The following CDH12 variants were observed in gnomAD, a reference collection of about 807,000 sequenced individuals.
The protein encoded by CDH12 is cadherin 12.
CDH12 carries 41 observed loss-of-function variants against 74.1 expected under a neutral mutation model. That is an observed-to-expected ratio of 0.55 (90% confidence interval 0.43 to 0.72). The LOEUF is 0.72. Among genes scored for constraint, CDH12 ranks in the 30% least tolerant of loss-of-function variants. CDH12 has a pLI of 0.00. For synonymous variants in CDH12, 399 were observed against 355.0 expected, an observed-to-expected ratio of 1.12 and a Z score of -1.39; for missense variants, 945 against 977.2, an observed-to-expected ratio of 0.97 and a Z score of 0.44.
At chr5:22,535,030 T>G (rs1737768782) in intron 1 of CDH12, among the ~76,000 whole-genome samples, 1 of 149,164 alleles carries the variant, frequency 6.7e-6, no homozygotes. Flanking sequence ...TGGAGTGCAG[T>G]GGCCCGTCTC....
At chr5:22,502,791 A>T (rs1406644387) in intron 2 of CDH12, among the ~76,000 whole-genome samples, 1 of 152,118 alleles carries the variant, frequency 6.6e-6, no homozygotes, top group South Asian at 2.1e-4. Flanking sequence ...TTTTCATTTC[A>T]TTAAAGTTTC....
chr5:22,603,699 C>T (rs1000536258), intron 1 of CDH12, among the ~76,000 whole-genome samples: 33 of 152,050 alleles, frequency 2.2e-4, no homozygotes, highest in African/African-American at 7.2e-4. Context: ...GATCTCAGAA[C>T]GGACCTTGTG....
chr5:22,628,768 T>C (rs1378941374), intron 1 of CDH12, among the ~76,000 whole-genome samples: 1 of 151,734 alleles, frequency 6.6e-6, no homozygotes, highest in South Asian at 2.1e-4. Flanking sequence ...CTGAAGGAAA[T>C]TGAGATGTAA....
chr5:22,683,634 T>C (rs1290183156), intron 1 of CDH12, among the ~76,000 whole-genome samples: 1 of 152,214 alleles, frequency 6.6e-6, no homozygotes, highest in African/African-American at 2.4e-5. Flanking sequence ...TTGAGCTAAG[T>C]GCCTAAAATA....
At chr5:22,481,630 G>C (rs1222584266) in intron 2 of CDH12, among the ~76,000 whole-genome samples, 2 of 152,182 alleles carry the variant, frequency 1.3e-5, no homozygotes, top group African/African-American at 4.8e-5. Context: ...CCACTCACAT[G>C]AAGTATCTGA....
At chr5:21,826,387 G>T (rs1748671392) in intron 8 of CDH12, among the ~76,000 whole-genome samples, 1 of 152,094 alleles carries the variant, frequency 6.6e-6, no homozygotes, top group Non-Finnish European at 1.5e-5. Context: ...CTGCTTCTTA[G>T]TAGCAAATCC....
intron 5 of CDH12, among the ~76,000 whole-genome samples, chr5:21,984,065 C>T (rs1042596919): frequency 3.9e-5 from 6 of 152,118 alleles, no homozygotes; most frequent in Admixed American, 3.9e-4. Context: ...ATTCATAAGG[C>T]GAGCTTTTCT....
At chr5:22,768,840 A>G (rs1207884068) in intron 1 of CDH12, among the ~76,000 whole-genome samples, 1 of 152,190 alleles carries the variant, frequency 6.6e-6, no homozygotes, top group East Asian at 1.9e-4. Context: ...GGGAAATTTA[A>G]ATCCCAGTAT....
At chr5:22,419,732 T>C (rs1743555287) in intron 2 of CDH12, among the ~76,000 whole-genome samples, 1 of 152,222 alleles carries the variant, frequency 6.6e-6, no homozygotes, top group African/African-American at 2.4e-5. Context: ...CCATACTGTT[T>C]TCCACAATGG....
At chr5:21,994,793 A>C (rs886113178) in intron 5 of CDH12, among the ~76,000 whole-genome samples, 3 of 152,186 alleles carry the variant, frequency 2.0e-5, no homozygotes, top group African/African-American at 7.2e-5. Flanking sequence ...GCGTTCTGTG[A>C]CTAGCTAAAG....
intron 3 of CDH12, among the ~76,000 whole-genome samples, chr5:22,402,540 G>T (rs1365823668): frequency 1.3e-5 from 2 of 152,140 alleles, no homozygotes; most frequent in Admixed American, 1.3e-4. Context: ...GAGGTGTTGA[G>T]GGTGAAGTAT....
At chr5:21,879,612 T>A (rs1299375808) in intron 6 of CDH12, among the ~76,000 whole-genome samples, 7 of 152,240 alleles carry the variant, frequency 4.6e-5, no homozygotes, top group Non-Finnish European at 8.8e-5. Context: ...AAAGTATTTT[T>A]AAAAATATTT....
intron 13 of CDH12, among the ~76,000 whole-genome samples, chr5:21,757,945 C>T (rs1020068896): frequency 6.6e-6 from 1 of 152,142 alleles, no homozygotes; most frequent in Non-Finnish European, 1.5e-5. Context: ...AAGGCTCTCA[C>T]CCATTTACTG....
intron 1 of CDH12, among the ~76,000 whole-genome samples, chr5:22,533,459 T>C (rs10055798): frequency 6.7e-4 from 102 of 152,348 alleles, no homozygotes; most frequent in African/African-American, 2.4e-3. Context: ...GTTTTCTATA[T>C]AAGAAGGTCT....
chr5:22,809,807 T>C (rs1399453558), intron 1 of CDH12, among the ~76,000 whole-genome samples: 4 of 152,104 alleles, frequency 2.6e-5, no homozygotes, highest in African/African-American at 9.6e-5. Context: ...TGTATTTTAA[T>C]AGAGTAAGAG....
At chr5:22,496,813 T>A (rs1747120799) in intron 2 of CDH12, among the ~76,000 whole-genome samples, 1 of 152,174 alleles carries the variant, frequency 6.6e-6, no homozygotes, top group Non-Finnish European at 1.5e-5. Flanking sequence ...ACCACTTCTT[T>A]TGCTCTTTTT....
chr5:21,842,328 C>T lies in CDH12; in HGVS notation c.647G>A (p.Gly216Asp), dbSNP rs1426739224. Residue 216 changes from glycine to aspartate, a missense_variant and splice_region_variant, in exon 8 of 15, where the codon GGT (glycine) becomes GAT (aspartate). Coordinates refer to ENST00000382254, the MANE Select transcript of CDH12 (RefSeq NM_004061.5). ...QPYFSIDPKT[G>D]VIRTALPNMD... Reference sequence around the variant, plus strand: ...GTTTGGCAAAGCTGTTCTAATAACACCTTAAGGGATAAAAGCAATAATGTA... The same window carrying T: ...GTTTGGCAAAGCTGTTCTAATAACATCTTAAGGGATAAAAGCAATAATGTA... The T allele has an allele frequency of 1.3e-6, 2 of 1,588,242 alleles. No homozygotes were observed. The highest frequency in any genetic ancestry group is 1.4e-5 in the African/African-American group (1 of 73,836).
chr5:21,965,726 A>G (rs1353621041), intron 6 of CDH12, among the ~76,000 whole-genome samples: 1 of 152,152 alleles, frequency 6.6e-6, no homozygotes, highest in Non-Finnish European at 1.5e-5. Flanking sequence ...GATAATTATT[A>G]ATACTGGTGA....
intron 2 of CDH12, among the ~76,000 whole-genome samples, chr5:22,460,789 C>T (rs1052020923): frequency 1.4e-5 from 2 of 141,026 alleles, no homozygotes; most frequent in Admixed American, 7.5e-5. Context: ...GGCACGATCT[C>T]GGCTCACTGC....
Sources: allele counts gnomAD v4.1 joint callset (sites outside exome capture counted in the v4.1 genomes callset), GRCh38; gene constraint gnomAD v4.1.1; transcripts MANE v1.5; gene names NCBI Gene and HGNC (gene_info 2026-07-23, HGNC 2026-07-21).